BICC1: variants seen among roughly 807,000 people sequenced by gnomAD.
The protein encoded by BICC1 is protein bicaudal C homolog 1.
BICC1 carries 43 observed loss-of-function variants against 111.0 expected under a neutral mutation model. The observed-to-expected ratio is 0.39, with a 90% CI of 0.30 to 0.50. The LOEUF is 0.50. BICC1 is among the 20% of genes least tolerant of loss of function. The pLI is 0.88. For synonymous variants in BICC1, 467 were observed against 434.4 expected (o/e 1.07, Z -0.93); for missense variants, 1,091 against 1,203.2 (o/e 0.91, Z 1.38).
At chr10:58,822,972 C>T (rs1844296150) in intron 20 of BICC1, among the ~76,000 whole-genome samples, 1 of 151,966 alleles carries the variant, frequency 6.6e-6, no homozygotes, top group Non-Finnish European at 1.5e-5. Context: ...TTTTTAATCT[C>T]AGGCCAAAAT....
chr10:58,658,557 G>T (rs564716930), intron 2 of BICC1, among the ~76,000 whole-genome samples: 13 of 152,228 alleles, frequency 8.5e-5, no homozygotes, highest in Admixed American at 3.9e-4. Context: ...TATGCCATCT[G>T]TGTTTGTTAC....
intron 2 of BICC1, among the ~76,000 whole-genome samples, chr10:58,690,037 T>A (rs1288235787): frequency 6.6e-6 from 1 of 152,236 alleles, no homozygotes; most frequent in East Asian, 1.9e-4. Context: ...ATAAACATAT[T>A]GTTTACTTTT....
At chr10:58,708,654 C>A (rs1321326911) in intron 3 of BICC1, among the ~76,000 whole-genome samples, 1 of 152,224 alleles carries the variant, frequency 6.6e-6, no homozygotes, top group Non-Finnish European at 1.5e-5. Context: ...CGTGAAGAAG[C>A]TGGCCACTCC....
In BICC1 at chr10:58,801,058, A is replaced by G. The variant is rs1843531511; in HGVS notation, c.2015+12A>G. ...AACTCACACTTACAGTATGTATTTT[A>G]ATCTTTAAAGAGCCCTTGATATTTT... On this transcript the variant is annotated intron_variant, in intron 14 of 20. Transcript: ENST00000373886. 3 of 1,580,304 alleles carry G rather than the reference A, an allele frequency of 1.9e-6. No homozygotes were observed. In the East Asian group the frequency reaches 6.9e-5, roughly 36 times the overall value.
At chr10:58,564,828 TTTA>T (rs1843707993) in intron 1 of BICC1, among the ~76,000 whole-genome samples, 1 of 152,240 alleles carries the variant, frequency 6.6e-6, no homozygotes, top group African/African-American at 2.4e-5. Context: ...TAATCCCTTT[TTTA>T]TTTATTTTGG....
intron 1 of BICC1, among the ~76,000 whole-genome samples, chr10:58,549,368 G>A (rs11006182): frequency 0.37 from 55,912 of 151,898 alleles, 10,591 homozygotes; most frequent in East Asian, 0.48. Flanking sequence ...CTGCCAAACT[G>A]TATTCCAAAA....
At chr10:58,773,157 A>T (rs1363442091) in intron 3 of BICC1, among the ~76,000 whole-genome samples, 4 of 152,202 alleles carry the variant, frequency 2.6e-5, no homozygotes, top group Non-Finnish European at 5.9e-5. Flanking sequence ...GTTGACTTGT[A>T]GAAAAACACC....
At chr10:58,758,525 A>T (rs1842210372) in intron 3 of BICC1, among the ~76,000 whole-genome samples, 1 of 152,238 alleles carries the variant, frequency 6.6e-6, no homozygotes, top group Non-Finnish European at 1.5e-5. Context: ...GTCTGTGACA[A>T]AAAGGCAGTT....
chr10:58,813,721 G>C, intron 17 of BICC1, 109 bp from the exon 18 acceptor site: 1 of 1,160,604 alleles, frequency 8.6e-7, no homozygotes, highest in Non-Finnish European at 1.2e-6. Flanking sequence ...AACTGCGGTG[G>C]TTGGCAAGAG....
intron 1 of BICC1, among the ~76,000 whole-genome samples, chr10:58,545,028 C>T (rs1843100514): frequency 1.3e-5 from 2 of 151,972 alleles, no homozygotes; most frequent in African/African-American, 4.8e-5. Context: ...TCTCTCATAC[C>T]CCTCAAAAGG....
chr10:58,521,924 G>A (rs1842402136), intron 1 of BICC1, among the ~76,000 whole-genome samples: 1 of 151,630 alleles, frequency 6.6e-6, no homozygotes, highest in Admixed American at 6.6e-5. Context: ...ATGGTCCCAG[G>A]ATCACACTTT....
chr10:58,736,315 C>T (rs948863415), intron 3 of BICC1, among the ~76,000 whole-genome samples: 9 of 152,158 alleles, frequency 5.9e-5, no homozygotes, highest in Non-Finnish European at 8.8e-5. Flanking sequence ...CAACAAATAG[C>T]TGATGACTCA....
In BICC1 at chr10:58,548,095, C is replaced by T. The variant is rs1427221; in HGVS notation, c.190+34762C>T. The stretch of plus-strand genomic sequence containing the variant: ...TATTTATAAATATTTGTATTTGTGT[C>T]TGTCTATATTAAGCCAAATATGTGT... On this transcript the variant is annotated intron_variant, in intron 1 of 20. Coordinates refer to ENST00000373886, the MANE Select transcript of BICC1 (RefSeq NM_001080512.3). 3.3e-5 allele frequency among the ~76,000 whole-genome samples: 5 copies of T among 152,238 alleles called. No homozygotes were observed. In the South Asian group the frequency reaches 1.0e-3, roughly 32 times the overall value.
rs573116230 is a variant in BICC1 at position 58,521,768 on chromosome 10, GTTTTTTTTTTTTT to G, written c.190+8461_190+8473del. Among the ~76,000 whole-genome samples the G allele has an allele frequency of 4.0e-4, 45 of 112,810 alleles. 1 individual carries two copies. Among genetic ancestry groups the G allele is most frequent in the Admixed American group, 9.3e-4 (8 of 8,626 alleles). The allele number at this position is 112,810 out of a possible 152,430, so 74.0% of individuals were successfully genotyped here. A position where few individuals can be genotyped will look rare whatever the true frequency, so the allele number is the denominator to read the frequency against. On this transcript the variant is annotated intron_variant, in intron 1 of 20. Transcript: ENST00000373886. ...ATGAAAATCAGCCAGGGAATGTGGT[GTTTTTTTTTTTTT>G]TTTTTTTTTTTTTTTTTTTTTTTTT...
chr10:58,769,659 A>G (rs925174918), intron 3 of BICC1, among the ~76,000 whole-genome samples: 1 of 151,904 alleles, frequency 6.6e-6, no homozygotes, highest in African/African-American at 2.4e-5. Flanking sequence ...AACTATATTT[A>G]CATAAACAGT....
chr10:58,734,733 A>G (rs560512994), intron 3 of BICC1, among the ~76,000 whole-genome samples: 26 of 152,294 alleles, frequency 1.7e-4, no homozygotes, highest in African/African-American at 6.0e-4. Context: ...TTTCAAGGGA[A>G]TTTGCTGCCA....
At chr10:58,695,321 C>T (rs1466915397) in intron 2 of BICC1, among the ~76,000 whole-genome samples, 1 of 152,072 alleles carries the variant, frequency 6.6e-6, no homozygotes, top group Non-Finnish European at 1.5e-5. Context: ...TGAAATGCAG[C>T]GAATAGACTA....
intron 3 of BICC1, among the ~76,000 whole-genome samples, chr10:58,756,108 G>A (rs936817593): frequency 2.0e-5 from 3 of 151,992 alleles, no homozygotes; most frequent in Non-Finnish European, 4.4e-5. Context: ...TGGATGTGTT[G>A]TATCTATTCC....
At chr10:58,605,185 C>T (rs1292237242) in intron 1 of BICC1, among the ~76,000 whole-genome samples, 2 of 152,060 alleles carry the variant, frequency 1.3e-5, no homozygotes, top group African/African-American at 4.8e-5. Flanking sequence ...GCTAAAATAG[C>T]CTAGAATATT....
Sources: gnomAD v4.1 joint callset for allele counts (sites outside exome capture counted in the v4.1 genomes callset) on GRCh38, gnomAD v4.1.1 for gene constraint, MANE v1.5 for transcripts, NCBI Gene and HGNC (gene_info 2026-07-23, HGNC 2026-07-21) for gene names.